RALGAPA2: variants seen among roughly 807,000 people sequenced by gnomAD.
RALGAPA2 encodes Ral GTPase activating protein catalytic subunit alpha 2, also known as ral GTPase-activating protein subunit alpha-2.
RALGAPA2 carries 139 observed loss-of-function variants against 230.4 expected under a neutral mutation model. The observed-to-expected ratio is 0.60, with a 90% CI of 0.53 to 0.69. The LOEUF (loss-of-function observed/expected upper bound fraction) is 0.69. RALGAPA2 is among the 30% of genes least tolerant of loss of function. The pLI, the probability that RALGAPA2 is intolerant of heterozygous loss-of-function variation, is 0.00. For missense variants in RALGAPA2, 2,163 were observed against 2,276.0 expected, an observed-to-expected ratio of 0.95 and a Z score of 1.01; for synonymous variants, 847 against 837.8, an observed-to-expected ratio of 1.01 and a Z score of -0.19.
chr20:20,655,544 C>T (rs1425127212), intron 3 of RALGAPA2, among the ~76,000 whole-genome samples: 1 of 151,728 alleles, frequency 6.6e-6, no homozygotes, highest in African/African-American at 2.4e-5. Context: ...TGGTGCCTTA[C>T]AGGAACCACA....
At position 20,611,705 on chromosome 20, in the gene RALGAPA2, G is replaced by C. The variant is rs187424301; in HGVS notation, c.1689-279C>G. 2.8e-3 allele frequency among the ~76,000 whole-genome samples: 425 copies of C among 152,256 alleles called. 2 individuals carry two copies. Among genetic ancestry groups the C allele is most frequent in the African/African-American group, 9.8e-3 (406 of 41,534 alleles). On this transcript the variant is annotated intron_variant, in intron 13 of 39. Coordinates refer to ENST00000202677, the MANE Select transcript of RALGAPA2 (RefSeq NM_020343.4). ...GATTTTCTCCCCTTGCAAAAAGAGA[G>C]GCAAGATCGTCTTCTCCAACTGTGC...
chr20:20,531,816 A>G (rs2063376075), intron 26 of RALGAPA2, 21 bp from the exon 27 acceptor site: 5 of 1,525,352 alleles, frequency 3.3e-6, no homozygotes, highest in Non-Finnish European at 4.5e-6. Context: ...AGAAGAAAAC[A>G]GAGGAAAACT....
chr20:20,511,339 AGGAT>A lies in RALGAPA2; in HGVS notation c.4857-18_4857-15del. On this transcript the variant is annotated splice_polypyrimidine_tract_variant and intron_variant, in intron 32 of 39. Coordinates refer to ENST00000202677, the MANE Select transcript of RALGAPA2 (RefSeq NM_020343.4). ...TGAAAATTCTTCCTATAAAGAAAAA[AGGAT>A]GGAAGAAAAACCATGTGATTACAGA... 3.9e-6 allele frequency: 6 copies of A among 1,539,072 alleles called. No individual in the cohort carries two copies. The highest frequency in any genetic ancestry group is 4.4e-6 in the Non-Finnish European group (5 of 1,144,766).
At chr20:20,682,608 T>C (rs1208417031) in intron 1 of RALGAPA2, among the ~76,000 whole-genome samples, 1 of 152,220 alleles carries the variant, frequency 6.6e-6, no homozygotes, top group Non-Finnish European at 1.5e-5. Flanking sequence ...TTAATTCTGG[T>C]GGAATTCTGA....
At chr20:20,401,893 C>T (rs189000763) in intron 38 of RALGAPA2, among the ~76,000 whole-genome samples, 43 of 152,292 alleles carry the variant, frequency 2.8e-4, no homozygotes, top group East Asian at 2.5e-3. Flanking sequence ...CTCAGTTATC[C>T]GTGCCAAAGT....
At chr20:20,573,896 A>C (rs2064735335) in intron 20 of RALGAPA2, among the ~76,000 whole-genome samples, 1 of 152,242 alleles carries the variant, frequency 6.6e-6, no homozygotes, top group Non-Finnish European at 1.5e-5. Flanking sequence ...TGCTATAAAC[A>C]TTCATGTACA....
chr20:20,412,187 G>A lies in RALGAPA2; in HGVS notation c.5496-39C>T, dbSNP rs2060076170. Reference sequence around the variant, plus strand: ...TTAAGGAAACAAGTGCACGTGCAAAGTGGCATGCAGAGCAGTGACAGAATT... The same window carrying A: ...TTAAGGAAACAAGTGCACGTGCAAAATGGCATGCAGAGCAGTGACAGAATT... On this transcript the variant is annotated intron_variant, in intron 37 of 39. Coordinates refer to ENST00000202677, the MANE Select transcript of RALGAPA2 (RefSeq NM_020343.4). The A allele has an allele frequency of 8.1e-6, 13 of 1,610,448 alleles. No homozygotes were observed. The East Asian group carries it at 2.5e-4, about 30-fold the overall frequency.
chr20:20,710,773 C>T (rs1164034627), intron 1 of RALGAPA2, among the ~76,000 whole-genome samples: 1 of 152,166 alleles, frequency 6.6e-6, no homozygotes, highest in East Asian at 1.9e-4. Flanking sequence ...CTTGATTCTG[C>T]CTTTATAAAA....
chr20:20,577,780 A>G (rs1013307991), intron 20 of RALGAPA2, among the ~76,000 whole-genome samples: 1 of 152,090 alleles, frequency 6.6e-6, no homozygotes, highest in African/African-American at 2.4e-5. Context: ...GGCATTTTTC[A>G]ATCCCTTGAG....
intron 33 of RALGAPA2, 136 bp from the exon 34 acceptor site, chr20:20,505,670 T>G: frequency 2.9e-6 from 2 of 696,598 alleles, no homozygotes; most frequent in Non-Finnish European, 4.6e-6. Context: ...GTCAGTGTTC[T>G]GAGATGGTCT....
chr20:20,474,574 A>G (rs2123414207), intron 36 of RALGAPA2, among the ~76,000 whole-genome samples: 1 of 152,312 alleles, frequency 6.6e-6, no homozygotes, highest in East Asian at 1.9e-4. Flanking sequence ...AGAAGTGGAG[A>G]AAGGTGACAG....
chr20:20,462,394 G>A (rs922157928), intron 37 of RALGAPA2, among the ~76,000 whole-genome samples: 1 of 152,176 alleles, frequency 6.6e-6, no homozygotes, highest in Non-Finnish European at 1.5e-5. Context: ...ACTCCCTAGG[G>A]CTGGCACACG....
At chr20:20,609,938 G>A (rs182032294) in intron 14 of RALGAPA2, among the ~76,000 whole-genome samples, 2 of 152,264 alleles carry the variant, frequency 1.3e-5, no homozygotes, top group East Asian at 3.9e-4. Flanking sequence ...ATATTCAGGA[G>A]GCCAATTATT....
rs529399219 is a variant in RALGAPA2, at chr20:20,533,563, T to C, written c.3474-1768A>G. 8.5e-5 allele frequency among the ~76,000 whole-genome samples: 13 copies of C among 152,294 alleles called. No homozygotes were observed. In the South Asian group the frequency reaches 2.7e-3, roughly 32 times the overall value. On this transcript the variant is annotated intron_variant, in intron 26 of 39. Coordinates refer to ENST00000202677, the MANE Select transcript of RALGAPA2 (RefSeq NM_020343.4). ...TAATAGCAGGAGATTTTAACATTTT[T>C]CTTCCAGAAGGTGATCAAGCTGATG...
At chr20:20,408,103 A>T (rs1050760762) in intron 38 of RALGAPA2, among the ~76,000 whole-genome samples, 1 of 152,236 alleles carries the variant, frequency 6.6e-6, no homozygotes, top group Admixed American at 6.5e-5. Flanking sequence ...CTGGCTCTCT[A>T]TAGCAATATT....
intron 36 of RALGAPA2, among the ~76,000 whole-genome samples, chr20:20,481,213 G>T (rs954378894): frequency 2.0e-5 from 3 of 152,222 alleles, no homozygotes; most frequent in Non-Finnish European, 2.9e-5. Flanking sequence ...GTGCCCAGTT[G>T]TTGGAGCAAA....
At chr20:20,646,016 G>A (rs2067203714) in intron 4 of RALGAPA2, among the ~76,000 whole-genome samples, 1 of 149,694 alleles carries the variant, frequency 6.7e-6, no homozygotes, top group Admixed American at 6.6e-5. Flanking sequence ...ATGAGGACTG[G>A]TAATAAGTAG....
intron 3 of RALGAPA2, among the ~76,000 whole-genome samples, chr20:20,670,814 T>C (rs2068108911): frequency 6.6e-6 from 1 of 151,634 alleles, no homozygotes; most frequent in African/African-American, 2.4e-5. Context: ...CCGGGCACGG[T>C]GGCAGGCACC....
chr20:20,419,359 G>A (rs2060230038), intron 37 of RALGAPA2, among the ~76,000 whole-genome samples: 1 of 152,194 alleles, frequency 6.6e-6, no homozygotes. Flanking sequence ...AGGACAGAAT[G>A]AGCTTCAAGT....
Sources: gnomAD v4.1 joint callset for allele counts (sites outside exome capture counted in the v4.1 genomes callset) on GRCh38, gnomAD v4.1.1 for gene constraint, MANE v1.5 for transcripts, NCBI Gene and HGNC (gene_info 2026-07-23, HGNC 2026-07-21) for gene names.